Variants in TENM3 observed in about 807,000 individuals in gnomAD.
TENM3 encodes the protein teneurin transmembrane protein 3.
TENM3 carries 63 observed loss-of-function variants against 255.1 expected under a neutral mutation model. That is an observed-to-expected ratio of 0.25 (90% CI 0.20 to 0.30). The LOEUF (loss-of-function observed/expected upper bound fraction) is 0.30, where lower values mean the gene tolerates loss of function less well. Ranked by LOEUF, TENM3 falls within the 10% of genes least tolerant of loss-of-function variation. The probability of loss-of-function intolerance (pLI) is 1.00; values close to 1 mark genes in which losing one functional copy is unlikely to be tolerated. For synonymous variants in TENM3, 1,306 were observed against 1,322.3 expected (o/e 0.99, Z 0.27); for missense variants, 2,929 against 3,461.1 (o/e 0.85, Z 3.86).
At chr4:182,747,951 T>C (rs1762125657) in intron 19 of TENM3, among the ~76,000 whole-genome samples, 1 of 152,234 alleles carries the variant, frequency 6.6e-6, no homozygotes, top group African/African-American at 2.4e-5. Context: ...TCTTGTGTTC[T>C]AAAGGCTGTG....
chr4:182,431,664 C>A (rs774495402), intron 3 of TENM3, among the ~76,000 whole-genome samples: 1 of 152,118 alleles, frequency 6.6e-6, no homozygotes, highest in African/African-American at 2.4e-5. Flanking sequence ...ACTAGGGACA[C>A]GGGGAATGCC....
chr4:181,940,197 G>A, the TENM3 span, among the ~76,000 whole-genome samples: 2 of 152,112 alleles, frequency 1.3e-5, no homozygotes, highest in Admixed American at 1.3e-4. Context: ...TGTAAAGTTG[G>A]TCTGTCCCTT....
the TENM3 span, among the ~76,000 whole-genome samples, chr4:181,553,260 A>AGTGT: frequency 0.14 from 18,592 of 133,276 alleles, 1,337 homozygotes; most frequent in East Asian, 0.21. Flanking sequence ...ATAGTCATTA[A>AGTGT]GTGTGTGTGT....
chr4:181,605,584 G>GAAAAGAAAAGAAAGAGAGAGAGAGAGA, the TENM3 span, among the ~76,000 whole-genome samples: 1 of 69,142 alleles, frequency 1.4e-5, no homozygotes, highest in African/African-American at 5.8e-5. Flanking sequence ...GAGAAAGAAA[G>GAAAAGAAAAGAAAGAGAGAGAGAGAGA]GAAAGAAAGA....
chr4:182,139,799 A>T (rs749653113), upstream of TENM3, among the ~76,000 whole-genome samples: 1 of 152,208 alleles, frequency 6.6e-6, no homozygotes, highest in African/African-American at 2.4e-5. Flanking sequence ...ACGCAAATGC[A>T]TTTCCACCGA....
the TENM3 span, among the ~76,000 whole-genome samples, chr4:181,918,136 G>A: frequency 2.2e-4 from 33 of 151,968 alleles, no homozygotes; most frequent in Non-Finnish European, 3.7e-4. Context: ...TTTATTTGTG[G>A]GTGAAAGTTA....
intron 1 of TENM3, among the ~76,000 whole-genome samples, chr4:182,235,176 GTTGGGATGCCAAACAC>G (rs1756817822): frequency 6.6e-6 from 1 of 152,188 alleles, no homozygotes; most frequent in Non-Finnish European, 1.5e-5. Flanking sequence ...AAACATAGTT[GTTGGGATGCCAAACAC>G]TTGTGCTTCT....
the TENM3 span, among the ~76,000 whole-genome samples, chr4:181,599,817 A>G: frequency 1.3e-5 from 2 of 152,060 alleles, no homozygotes; most frequent in Admixed American, 6.5e-5. Flanking sequence ...CTCATCTATG[A>G]CCTTCTTTTA....
the TENM3 span, among the ~76,000 whole-genome samples, chr4:181,893,953 T>G: frequency 6.6e-6 from 1 of 151,502 alleles, no homozygotes. Context: ...TAAACAAACA[T>G]CAAACATAAG....
At chr4:181,993,804 A>G in the TENM3 span, among the ~76,000 whole-genome samples, 1 of 152,120 alleles carries the variant, frequency 6.6e-6, no homozygotes, top group Non-Finnish European at 1.5e-5. Flanking sequence ...AAATAATTAT[A>G]TATATATGCA....
At chr4:182,667,391 A>G (rs1581259406) in intron 6 of TENM3, among the ~76,000 whole-genome samples, 1 of 152,100 alleles carries the variant, frequency 6.6e-6, no homozygotes, top group South Asian at 2.1e-4. Context: ...GGATTTCACC[A>G]TCTTGGCCGG....
chr4:182,020,706 A>G, the TENM3 span, among the ~76,000 whole-genome samples: 1 of 152,220 alleles, frequency 6.6e-6, no homozygotes. Context: ...AAGAAAAGTC[A>G]TCTTTCAAAG....
the TENM3 span, among the ~76,000 whole-genome samples, chr4:182,083,607 G>A: frequency 7.9e-5 from 12 of 152,138 alleles, no homozygotes; most frequent in Non-Finnish European, 2.9e-5. Context: ...GTTATGAGAT[G>A]CAAACGACAG....
At chr4:181,785,728 A>G in the TENM3 span, among the ~76,000 whole-genome samples, 1 of 152,002 alleles carries the variant, frequency 6.6e-6, no homozygotes, top group Non-Finnish European at 1.5e-5. Context: ...TGAAAAATGA[A>G]ATCCGACACA....
At chr4:182,111,801 C>T in the TENM3 span, among the ~76,000 whole-genome samples, 3 of 152,134 alleles carry the variant, frequency 2.0e-5, no homozygotes, top group African/African-American at 7.2e-5. Context: ...CAGATTTACT[C>T]AGGAAGGTGG....
chr4:181,641,861 C>T, the TENM3 span, among the ~76,000 whole-genome samples: 3 of 97,482 alleles, frequency 3.1e-5, no homozygotes, highest in Non-Finnish European at 5.8e-5. Context: ...TTTCTTTATC[C>T]AGTCTATCAT....
intron 14 of TENM3, among the ~76,000 whole-genome samples, chr4:182,729,896 AT>A (rs1760554393): frequency 6.6e-6 from 1 of 152,210 alleles, no homozygotes; most frequent in African/African-American, 2.4e-5. Context: ...TATATGACTT[AT>A]GAAAAAAGCA....
At chr4:181,621,352 G>A in the TENM3 span, among the ~76,000 whole-genome samples, 1 of 152,102 alleles carries the variant, frequency 6.6e-6, no homozygotes. Context: ...AAAAATATTT[G>A]TTTAATACTT....
At chr4:181,951,958 G>T in the TENM3 span, among the ~76,000 whole-genome samples, 1 of 152,066 alleles carries the variant, frequency 6.6e-6, no homozygotes, top group African/African-American at 2.4e-5. Context: ...TTGTCTAGTG[G>T]GATATGTTTT....
Sources: allele counts gnomAD v4.1 joint callset (sites outside exome capture counted in the v4.1 genomes callset), GRCh38; gene constraint gnomAD v4.1.1; transcripts MANE v1.5; gene names NCBI Gene and HGNC (gene_info 2026-07-23, HGNC 2026-07-21).